Variants in KLHL3 observed in about 807,000 individuals in gnomAD.
The protein encoded by KLHL3 is kelch like family member 3.
In KLHL3, 19 loss-of-function variants were observed where a neutral mutation model predicts 70.5. The ratio of observed to expected loss-of-function variants is 0.27; its 90% CI spans 0.19 to 0.40. The LOEUF (loss-of-function observed/expected upper bound fraction) is 0.40. Among genes scored for constraint, KLHL3 ranks in the 10% least tolerant of loss-of-function variants. The probability of loss-of-function intolerance (pLI) is 1.00; values close to 1 mark genes in which losing one functional copy is unlikely to be tolerated. For missense variants in KLHL3, 512 were observed against 771.1 expected, an observed-to-expected ratio of 0.66 and a Z score of 3.98; for synonymous variants, 258 against 290.3, an observed-to-expected ratio of 0.89 and a Z score of 1.13.
chr5:137,720,537 T>C lies in KLHL3; in HGVS notation c.62A>G (p.Lys21Arg). The C allele has an allele frequency of 6.2e-7, 1 of 1,614,158 alleles. No homozygotes were observed. Among genetic ancestry groups the C allele is most frequent in the Non-Finnish European group, 8.5e-7 (1 of 1,179,992 alleles). The change falls in exon 2 of 15, where the codon AAG (lysine) becomes AGG (arginine). Residue 21 changes from lysine to arginine, a missense_variant. By Grantham distance (26) the Lys-to-Arg change is conservative. Transcript: ENST00000309755. The stretch of plus-strand genomic sequence containing the variant: ...GTTGACAGTGATCGTCCTCTGGTTC[T>C]TCTCATCATCCCCAGCCTGTATCAG... ...QTLIQAGDDE[K>R]NQRTITVNPA...
chr5:137,728,725 T>A (rs1408489268), intron 1 of KLHL3, among the ~76,000 whole-genome samples: 1 of 152,114 alleles, frequency 6.6e-6, no homozygotes, highest in Non-Finnish European at 1.5e-5. Context: ...CCAAGCAGGC[T>A]GATTGTGCAG....
chr5:137,722,184 A>G (rs562239861), intron 1 of KLHL3, among the ~76,000 whole-genome samples: 1 of 152,352 alleles, frequency 6.6e-6, no homozygotes, highest in East Asian at 1.9e-4. Context: ...GCTTTAGAGT[A>G]TATTTCAGAG....
At chr5:137,692,679 TAA>T (rs1752351874) in intron 4 of KLHL3, 1 of 501,418 alleles carries the variant, frequency 2.0e-6, no homozygotes, top group African/African-American at 1.9e-5. Context: ...TCCCAGTCTT[TAA>T]TCCCTGGGGA....
At chr5:137,723,206 C>G (rs1219445982) in intron 1 of KLHL3, among the ~76,000 whole-genome samples, 1 of 152,190 alleles carries the variant, frequency 6.6e-6, no homozygotes, top group Admixed American at 6.5e-5. Context: ...GGTCTGATAT[C>G]TGACAGGGAA....
chr5:137,636,277 G>A (rs958366755), intron 11 of KLHL3, among the ~76,000 whole-genome samples: 3 of 152,166 alleles, frequency 2.0e-5, no homozygotes, highest in East Asian at 1.9e-4. Flanking sequence ...TGTCTAACTC[G>A]CTGGATGTTA....
At chr5:137,633,909 C>T in intron 12 of KLHL3, 128 bp downstream of exon 12, 3 of 1,235,108 alleles carry the variant, frequency 2.4e-6, no homozygotes, top group South Asian at 1.3e-5. Flanking sequence ...CCAAACTCGA[C>T]CATTATGCAA....
intron 8 of KLHL3, among the ~76,000 whole-genome samples, chr5:137,657,408 G>A (rs1200641730): frequency 6.6e-6 from 1 of 152,138 alleles, no homozygotes; most frequent in Non-Finnish European, 1.5e-5. Context: ...ACACCAGACA[G>A]GACTTTAGGG....
chr5:137,682,884 T>G (rs1227301710), intron 5 of KLHL3, among the ~76,000 whole-genome samples: 1 of 152,148 alleles, frequency 6.6e-6, no homozygotes, highest in Non-Finnish European at 1.5e-5. Flanking sequence ...GGACTATTCT[T>G]CTCTCTTCAC....
chr5:137,641,667 A>G (rs999316058), intron 8 of KLHL3, among the ~76,000 whole-genome samples: 1 of 152,194 alleles, frequency 6.6e-6, no homozygotes, highest in Admixed American at 6.5e-5. Flanking sequence ...GCTCACCACC[A>G]TTACTACAGA....
intron 3 of KLHL3, among the ~76,000 whole-genome samples, chr5:137,704,196 T>A (rs1752631321): frequency 6.6e-6 from 1 of 152,008 alleles, no homozygotes. Flanking sequence ...CCATCCTGGC[T>A]AACAAGGTGA....
At chr5:137,713,420 T>C (rs934927155) in intron 2 of KLHL3, among the ~76,000 whole-genome samples, 2 of 152,252 alleles carry the variant, frequency 1.3e-5, no homozygotes, top group East Asian at 3.9e-4. Flanking sequence ...GCAAGATCAT[T>C]CAACTGGGAA....
rs1185259139 is a variant in KLHL3, at chr5:137,639,364, C to G, written c.1022-214G>C. 6.6e-6 allele frequency among the ~76,000 whole-genome samples: 1 copy of G among 152,144 alleles called. No homozygotes were observed. Among genetic ancestry groups the G allele is most frequent in the Non-Finnish European group, 1.5e-5 (1 of 68,022 alleles). Reference sequence around the variant, plus strand: ...GTAAATATTTGAATCAGCTTTAACTCCCCAAGCTCATAAGAACTGACCCCA... The same window carrying G: ...GTAAATATTTGAATCAGCTTTAACTGCCCAAGCTCATAAGAACTGACCCCA... On this transcript the variant is annotated intron_variant, in intron 9 of 14. Transcript: ENST00000309755. This position sits in a 1 kb window ranked among gnomAD's most constrained non-coding sequence, Gnocchi z 5.0.
In KLHL3 at chr5:137,677,593, C is replaced by T. The variant is rs1388660033; in HGVS notation, c.588G>A (p.Val196=). The change falls in exon 6 of 15, where the codon GTG becomes GTA. Residue 196 remains valine, a synonymous_variant. Coordinates refer to ENST00000309755, the MANE Select transcript of KLHL3 (RefSeq NM_017415.3). ...GCTTGTCGCTGGATATCAAGCTGCACACCTGGTCCAGACTCAGGCTAAGAA... is the reference window on the plus strand; with the variant it reads ...GCTTGTCGCTGGATATCAAGCTGCATACCTGGTCCAGACTCAGGCTAAGAA... ...EEFLSLSLDQ[V]CSLISSDKLT... is the part of the protein sequence containing the mutation. 1 of 1,610,510 alleles carries T rather than the reference C, an allele frequency of 6.2e-7. No homozygotes were observed. Among genetic ancestry groups the T allele is most frequent in the African/African-American group, 1.3e-5 (1 of 74,548 alleles).
At chr5:137,686,384 G>C (rs1241887044) in intron 5 of KLHL3, among the ~76,000 whole-genome samples, 1 of 152,146 alleles carries the variant, frequency 6.6e-6, no homozygotes. Context: ...CATTCCCCCT[G>C]TTCCCCAGAT....
At chr5:137,668,707 C>T (rs188034190) in intron 6 of KLHL3, among the ~76,000 whole-genome samples, 1 of 152,332 alleles carries the variant, frequency 6.6e-6, no homozygotes, top group East Asian at 1.9e-4. Flanking sequence ...CCACACACAA[C>T]TCCAGGGACA....
rs373129767 is a variant in KLHL3 at position 137,692,278 on chromosome 5, C to T, written c.526+7G>A. On this transcript the variant is annotated splice_region_variant and intron_variant, in intron 5 of 14. Coordinates refer to ENST00000309755, the MANE Select transcript of KLHL3 (RefSeq NM_017415.3). ...GGAGGAGGTGCAGCAGTCCGGCTCCCCCTTACCTGCGTAGGCATTGGCCTG... is the reference window on the plus strand; with the variant it reads ...GGAGGAGGTGCAGCAGTCCGGCTCCTCCTTACCTGCGTAGGCATTGGCCTG... The T allele has an allele frequency of 4.0e-5, 64 of 1,609,984 alleles. No homozygotes were observed. Among genetic ancestry groups the T allele is most frequent in the Non-Finnish European group, 4.7e-5 (55 of 1,178,794 alleles).
intron 12 of KLHL3, chr5:137,628,720 CACAGACAG>C (rs56255318): frequency 0.054 from 8,386 of 155,142 alleles, 1,686 homozygotes; most frequent in Middle Eastern, 0.12. Flanking sequence ...TATACACACA[CACAGACAG>C]ACAGACATAC....
intron 8 of KLHL3, among the ~76,000 whole-genome samples, chr5:137,651,678 C>G (rs1468831726): frequency 6.6e-6 from 1 of 152,084 alleles, no homozygotes; most frequent in African/African-American, 2.4e-5. Context: ...CCAAGCAGAA[C>G]CCCTACAAGC....
intron 6 of KLHL3, among the ~76,000 whole-genome samples, chr5:137,674,496 T>C (rs1201124248): frequency 6.6e-6 from 1 of 152,236 alleles, no homozygotes; most frequent in Non-Finnish European, 1.5e-5. Flanking sequence ...TAGTAAAATA[T>C]TACATTTCCT....
Sources: allele counts gnomAD v4.1 joint callset (sites outside exome capture counted in the v4.1 genomes callset), GRCh38; gene constraint gnomAD v4.1.1; non-coding constraint Gnocchi (gnomAD v3.1); transcripts MANE v1.5; gene names NCBI Gene and HGNC (gene_info 2026-07-23, HGNC 2026-07-21).